ESPNL: variants seen among roughly 807,000 people sequenced by gnomAD.
The protein encoded by ESPNL is espin like.
Under a neutral mutation model 46.8 loss-of-function variants are expected in ESPNL, and 49 were observed. The ratio of observed to expected loss-of-function variants is 1.05; its 90% CI spans 0.83 to 1.33. ESPNL has a LOEUF of 1.33. Among genes scored for constraint, ESPNL ranks in the 40% most tolerant of loss-of-function variants. The pLI, the probability that ESPNL is intolerant of heterozygous loss-of-function variation, is 0.00. For synonymous variants in ESPNL, 664 were observed against 662.1 expected (o/e 1.00, Z -0.04); for missense variants, 1,540 against 1,436.6 (o/e 1.07, Z -1.16).
At chr2:238,126,233 T>TGTG (rs1489930557) in intron 6 of ESPNL, among the ~76,000 whole-genome samples, 5 of 151,968 alleles carry the variant, frequency 3.3e-5, no homozygotes, top group African/African-American at 7.3e-5. Context: ...TGTGTCTGTA[T>TGTG]TGTATGTATG....
At chr2:238,127,795 C>A in intron 7 of ESPNL, 61 bp downstream of exon 7, 1 of 1,315,690 alleles carries the variant, frequency 7.6e-7, no homozygotes, top group Non-Finnish European at 1.1e-6. Context: ...CCATTCCCAT[C>A]CTCTTAGGGG....
At chr2:238,102,901 A>G (rs769471089) in intron 2 of ESPNL, among the ~76,000 whole-genome samples, 5 of 152,116 alleles carry the variant, frequency 3.3e-5, no homozygotes, top group Non-Finnish European at 7.4e-5. Context: ...TCGCTGCCCC[A>G]GAGGCCTCAG....
At chr2:238,125,415 G>C in intron 6 of ESPNL, 31 bp downstream of exon 6, 2 of 1,346,022 alleles carry the variant, frequency 1.5e-6, no homozygotes, top group South Asian at 3.0e-5. Flanking sequence ...GGGCCACCCA[G>C]GGCATGGGCC....
intron 5 of ESPNL, among the ~76,000 whole-genome samples, chr2:238,122,630 T>C (rs1229486607): frequency 6.6e-6 from 1 of 152,202 alleles, no homozygotes; most frequent in Non-Finnish European, 1.5e-5. Context: ...AGAGGGCGGC[T>C]GCCATCCTGC....
At chr2:238,126,764 G>A (rs771020125) in intron 6 of ESPNL, among the ~76,000 whole-genome samples, 22 of 151,250 alleles carry the variant, frequency 1.5e-4, no homozygotes, top group Non-Finnish European at 2.8e-4. Context: ...TTGTGTCTGT[G>A]TATCTGTGTG....
At chr2:238,126,124 TTGTGTC>T (rs1043544725) in intron 6 of ESPNL, among the ~76,000 whole-genome samples, 2 of 150,628 alleles carry the variant, frequency 1.3e-5, no homozygotes, top group African/African-American at 4.9e-5. Flanking sequence ...CTGTGATTGA[TTGTGTC>T]TGTGTCTGTG....
At chr2:238,124,886 C>CA (rs1301865423) in intron 5 of ESPNL, among the ~76,000 whole-genome samples, 1 of 152,120 alleles carries the variant, frequency 6.6e-6, no homozygotes, top group Non-Finnish European at 1.5e-5. Context: ...CATATGTGTG[C>CA]ACATGTCTTT....
chr2:238,116,432 A>G (rs545250354), intron 4 of ESPNL, among the ~76,000 whole-genome samples: 22 of 152,132 alleles, frequency 1.4e-4, no homozygotes, highest in Non-Finnish European at 2.5e-4. Flanking sequence ...CTAGGGGGGA[A>G]CCTCATTGGG....
chr2:238,103,638 G>T (rs973660245), intron 2 of ESPNL, among the ~76,000 whole-genome samples: 2 of 152,144 alleles, frequency 1.3e-5, no homozygotes, highest in Non-Finnish European at 2.9e-5. Context: ...CCCAGCCACC[G>T]CGCTGGACAC....
intron 7 of ESPNL, 132 bp downstream of exon 7, chr2:238,127,866 G>A (rs147143082): frequency 4.5e-6 from 3 of 662,088 alleles, no homozygotes; most frequent in East Asian, 5.9e-5. Context: ...GGCTGCCTGC[G>A]TCACTCCGCT....
At chr2:238,124,600 CGT>C (rs1339455488) in intron 5 of ESPNL, among the ~76,000 whole-genome samples, 1 of 148,010 alleles carries the variant, frequency 6.8e-6, no homozygotes, top group Non-Finnish European at 1.5e-5. Flanking sequence ...GGAGAGTGTA[CGT>C]GTGTGTGCAG....
chr2:238,113,645 C>T (rs1028201567), intron 4 of ESPNL, among the ~76,000 whole-genome samples: 4 of 152,182 alleles, frequency 2.6e-5, no homozygotes, highest in Non-Finnish European at 5.9e-5. Context: ...GGCCTAGGAT[C>T]ATCTTAATCC....
At chr2:238,101,819 G>T in intron 1 of ESPNL, 122 bp from the exon 2 acceptor site, 1 of 677,922 alleles carries the variant, frequency 1.5e-6, no homozygotes, top group Admixed American at 2.6e-5. Context: ...AAGGAGGAAG[G>T]AGCTGGAAGC....
At chr2:238,105,826 G>A (rs1691585030) in intron 3 of ESPNL, among the ~76,000 whole-genome samples, 1 of 152,186 alleles carries the variant, frequency 6.6e-6, no homozygotes. Flanking sequence ...TGATGGAGAA[G>A]TGAGAGCTGC....
In ESPNL at chr2:238,116,937, C is replaced by G. The variant is rs939694375; in HGVS notation, c.890C>G (p.Pro297Arg). ...ACCCTAGTCTCCCACCACGTGGACC[C>G]CTCCCTGCGGGATGAAGATGGTTAC... Reference protein sequence around the residue: ...CQTLVSHHVDPSLRDEDGYTA... With the variant: ...CQTLVSHHVDRSLRDEDGYTA... The change falls in exon 5 of 9, where the codon CCC becomes CGC. Residue 297 changes from proline (P) to arginine (R), a missense_variant. Coordinates refer to ENST00000343063, the MANE Select transcript of ESPNL (RefSeq NM_194312.4). The G allele has an allele frequency of 1.2e-6, 2 of 1,612,610 alleles. No individual in the cohort carries two copies. The highest frequency in any genetic ancestry group is 1.7e-6 in the Non-Finnish European group (2 of 1,179,890).
chr2:238,127,807 C>T, intron 7 of ESPNL, 73 bp downstream of exon 7: 1 of 1,166,098 alleles, frequency 8.6e-7, no homozygotes, highest in Non-Finnish European at 1.2e-6. Context: ...TCTTAGGGGC[C>T]CAGAGAAGCC....
At chr2:238,118,431 G>GGTT (rs1691875943) in intron 5 of ESPNL, among the ~76,000 whole-genome samples, 1 of 123,422 alleles carries the variant, frequency 8.1e-6, no homozygotes, top group Admixed American at 7.5e-5. Context: ...GATGGAGGAG[G>GGTT]AATGGATGGA....
chr2:238,128,429 C>T (rs1692191202), intron 7 of ESPNL, among the ~76,000 whole-genome samples: 1 of 152,226 alleles, frequency 6.6e-6, no homozygotes, highest in Admixed American at 6.5e-5. Flanking sequence ...GCTGGGCTTG[C>T]ACAGGGGACG....
At chr2:238,100,801 C>T (rs1691451162) in intron 1 of ESPNL, 88 bp downstream of exon 1, 3 of 1,193,938 alleles carry the variant, frequency 2.5e-6, no homozygotes, top group Admixed American at 3.8e-5. Context: ...GAGTACTGGC[C>T]ACCCCGGGCT....
Sources: allele counts gnomAD v4.1 joint callset (sites outside exome capture counted in the v4.1 genomes callset), GRCh38; gene constraint gnomAD v4.1.1; transcripts MANE v1.5; gene names NCBI Gene and HGNC (gene_info 2026-07-23, HGNC 2026-07-21).